The following RIMS1 variants were observed in gnomAD, a reference collection of about 807,000 sequenced individuals.
RIMS1 encodes the protein regulating synaptic membrane exocytosis protein 1.
RIMS1 carries 83 observed loss-of-function variants against 214.1 expected under a neutral mutation model. The observed-to-expected ratio is 0.39, with a 90% CI of 0.32 to 0.47. RIMS1 has a LOEUF of 0.47. Ranked by LOEUF, RIMS1 falls within the 20% of genes least tolerant of loss-of-function variation. The probability of loss-of-function intolerance (pLI) is 0.99; values close to 1 mark genes in which losing one functional copy is unlikely to be tolerated. For missense variants in RIMS1, 2,050 were observed against 2,161.8 expected (o/e 0.95, Z 1.03); for synonymous variants, 793 against 786.8 (o/e 1.01, Z -0.13).
intron 22 of RIMS1, 48 bp downstream of exon 22, chr6:72,266,097 T>G: frequency 7.5e-7 from 1 of 1,327,202 alleles, no homozygotes; most frequent in Non-Finnish European, 1.1e-6. Flanking sequence ...TACTAGTGAT[T>G]TTTTTCAGTC....
intron 2 of RIMS1, among the ~76,000 whole-genome samples, chr6:71,975,758 A>T (rs1231039425): frequency 6.6e-6 from 1 of 152,126 alleles, no homozygotes; most frequent in Non-Finnish European, 1.5e-5. Context: ...AGCATCTGAA[A>T]CCATTACTTT....
At chr6:72,080,844 T>A (rs1187688402) in intron 2 of RIMS1, among the ~76,000 whole-genome samples, 1 of 152,126 alleles carries the variant, frequency 6.6e-6, no homozygotes, top group Non-Finnish European at 1.5e-5. Context: ...CTACCTTACT[T>A]ACACTTTAAA....
intron 4 of RIMS1, among the ~76,000 whole-genome samples, chr6:72,111,239 C>T (rs1272024002): frequency 6.6e-6 from 1 of 152,080 alleles, no homozygotes; most frequent in Non-Finnish European, 1.5e-5. Flanking sequence ...TTGACCTCTC[C>T]TTTCTATTAT....
rs180818174 is a variant in RIMS1 at position 71,961,125 on chromosome 6, C to T, written c.165-7858C>T. ...GCCTCTAGGAACTGAGTTAGAAATA[C>T]GTGAAGAGGTAGAGAAATAATTTTC... On this transcript the variant is annotated intron_variant, in intron 1 of 33. Transcript: ENST00000521978. Among the ~76,000 whole-genome samples the T allele has an allele frequency of 1.2e-3, 187 of 152,088 alleles. 1 individual carries two copies. Among genetic ancestry groups the T allele is most frequent in the Non-Finnish European group, 1.8e-3 (122 of 67,954 alleles).
intron 18 of RIMS1, among the ~76,000 whole-genome samples, chr6:72,259,935 A>T (rs911049373): frequency 8.5e-5 from 13 of 152,178 alleles, no homozygotes; most frequent in African/African-American, 2.7e-4. Context: ...AGTCAAGGAC[A>T]CAAAGTAGAA....
In RIMS1 at chr6:72,335,978, G is replaced by T. The variant is rs145325052; in HGVS notation, c.4366+2143G>T. 9.5e-4 allele frequency among the ~76,000 whole-genome samples: 144 copies of T among 151,920 alleles called. No individual in the cohort carries two copies. The East Asian group carries it at 9.7e-3, about 10-fold the overall frequency. ...TCTAGATTCTGGTTATTAGCCCTTT[G>T]TCAGATGGATAGATTTTATTGGTAT... is the stretch of plus-strand genomic sequence containing the variant. On this transcript the variant is annotated intron_variant, in intron 29 of 33. Transcript: ENST00000521978.
intron 23 of RIMS1, among the ~76,000 whole-genome samples, 154 bp from the exon 24 acceptor site, chr6:72,283,893 C>G (rs1000017634): frequency 3.9e-5 from 6 of 152,048 alleles, no homozygotes; most frequent in African/African-American, 1.4e-4. Flanking sequence ...TTCATTCATT[C>G]ATTTATTTGT....
intron 6 of RIMS1, among the ~76,000 whole-genome samples, chr6:72,198,262 T>G (rs2051325422): frequency 6.6e-6 from 1 of 152,056 alleles, no homozygotes; most frequent in Non-Finnish European, 1.5e-5. Context: ...TTAAATACGA[T>G]TCGCCCATAT....
intron 31 of RIMS1, among the ~76,000 whole-genome samples, chr6:72,395,355 C>A (rs891563242): frequency 6.6e-6 from 1 of 151,902 alleles, no homozygotes; most frequent in Non-Finnish European, 1.5e-5. Flanking sequence ...CTTCTTCATG[C>A]AATTTCAGGA....
chr6:72,263,120 AAG>A (rs1184270276), intron 19 of RIMS1: 2 of 984,174 alleles, frequency 2.0e-6, no homozygotes, highest in African/African-American at 3.5e-5. Flanking sequence ...TTTCACCAAT[AAG>A]AGTTTTTGTG....
At chr6:72,386,222 A>T (rs1328555836) in intron 29 of RIMS1, among the ~76,000 whole-genome samples, 1 of 152,216 alleles carries the variant, frequency 6.6e-6, no homozygotes, top group Non-Finnish European at 1.5e-5. Flanking sequence ...AATAAAGATT[A>T]TTCACTTTTA....
At chr6:72,268,689 C>T (rs1255452488) in intron 22 of RIMS1, among the ~76,000 whole-genome samples, 1 of 152,102 alleles carries the variant, frequency 6.6e-6, no homozygotes, top group Non-Finnish European at 1.5e-5. Context: ...CCTACTTTAA[C>T]AGATGAGTTT....
At chr6:72,252,073 G>A (rs1394650987) in intron 15 of RIMS1, among the ~76,000 whole-genome samples, 1 of 152,058 alleles carries the variant, frequency 6.6e-6, no homozygotes, top group East Asian at 1.9e-4. Context: ...TAGAAGGTAT[G>A]TTTATTGCTA....
At chr6:72,185,142 T>G (rs1025189640) in intron 6 of RIMS1, among the ~76,000 whole-genome samples, 2 of 152,182 alleles carry the variant, frequency 1.3e-5, no homozygotes, top group Non-Finnish European at 2.9e-5. Flanking sequence ...TCTACTTGCC[T>G]TCAAACACAA....
intron 2 of RIMS1, among the ~76,000 whole-genome samples, chr6:72,017,616 G>C (rs1306062928): frequency 6.6e-6 from 1 of 152,158 alleles, no homozygotes; most frequent in Non-Finnish European, 1.5e-5. Context: ...ATTGGAAACT[G>C]TTCTGGATTC....
chr6:72,330,527 A>G (rs1051703732), intron 28 of RIMS1, among the ~76,000 whole-genome samples: 17 of 151,756 alleles, frequency 1.1e-4, no homozygotes, highest in Admixed American at 6.6e-5. Flanking sequence ...TTAGTGGTGC[A>G]TAAAGTGCAT....
intron 2 of RIMS1, among the ~76,000 whole-genome samples, chr6:72,043,846 C>T (rs1355860991): frequency 6.6e-6 from 1 of 151,316 alleles, no homozygotes; most frequent in Non-Finnish European, 1.5e-5. Context: ...TTTATATATA[C>T]ATTAATGAAG....
chr6:72,399,190 A>C lies in RIMS1; in HGVS notation c.4860+96A>C, dbSNP rs865903127. 8 of 1,038,210 alleles carry C rather than the reference A, an allele frequency of 7.7e-6. No homozygotes were observed. The African/African-American group carries it at 1.1e-4, about 15-fold the overall frequency. 64.3% of individuals were successfully genotyped at this position (1,038,210 alleles called of 1,614,324 possible). A position where few individuals can be genotyped will look rare whatever the true frequency, so the allele number is the denominator to read the frequency against. On this transcript the variant is annotated intron_variant, in intron 33 of 33. Coordinates refer to ENST00000521978, the MANE Select transcript of RIMS1 (RefSeq NM_014989.7). ...ACACAAAGAGAATAAAATTTGGTAA[A>C]GATAAATGTAGGATAATATTCTTGA...
intron 1 of RIMS1, among the ~76,000 whole-genome samples, chr6:71,932,245 A>T (rs985410177): frequency 6.6e-6 from 1 of 152,162 alleles, no homozygotes; most frequent in African/African-American, 2.4e-5. Context: ...TCAGTGATAG[A>T]CTGGCTAAAG....
Sources: gnomAD v4.1 joint callset for allele counts (sites outside exome capture counted in the v4.1 genomes callset) on GRCh38, gnomAD v4.1.1 for gene constraint, MANE v1.5 for transcripts, NCBI Gene and HGNC (gene_info 2026-07-23, HGNC 2026-07-21) for gene names.